The following LGALS14 variants were observed in gnomAD, a reference collection of about 807,000 sequenced individuals.
The protein encoded by LGALS14 is galectin 14, also known as placental protein 13-like.
Under a neutral mutation model 14.6 loss-of-function variants are expected in LGALS14, and 14 were observed. The observed-to-expected ratio is 0.96, with a 90% CI of 0.64 to 1.50. LGALS14 has a LOEUF of 1.50. Among genes scored for constraint, LGALS14 ranks in the 40% most tolerant of loss-of-function variants. The probability of loss-of-function intolerance (pLI) is 0.00; values close to 1 mark genes in which losing one functional copy is unlikely to be tolerated. For missense variants in LGALS14, 180 were observed against 172.0 expected (o/e 1.05, Z -0.26); for synonymous variants, 57 against 63.9 (o/e 0.89, Z 0.51).
At chr19:39,708,961 G>A (rs1237902819) in intron 3 of LGALS14, among the ~76,000 whole-genome samples, 1 of 152,204 alleles carries the variant, frequency 6.6e-6, no homozygotes, top group African/African-American at 2.4e-5. Context: ...CGGACTGTGT[G>A]ACACGGTGTA....
At chr19:39,705,899 C>A in intron 1 of LGALS14, 1 of 1,612,526 alleles carries the variant, frequency 6.2e-7, no homozygotes, top group Non-Finnish European at 8.5e-7. Flanking sequence ...TCAATCATTC[C>A]CTCCAGTTAT....
Position 39,706,627 on chromosome 19 carries a change from G to A in LGALS14, c.46G>A (p.Val16Ile), listed in dbSNP as rs61737337. 6,342 of 1,613,986 alleles carry A rather than the reference G, an allele frequency of 3.9e-3. 146 individuals are homozygous for A. In the African/African-American group the frequency reaches 0.055, roughly 14 times the overall value. Residue 16 changes from valine (V) to isoleucine (I), a missense_variant, in exon 2 of 4, where the codon GTT becomes ATT. Coordinates refer to ENST00000392052, the MANE Select transcript of LGALS14 (RefSeq NM_020129.3). ...ATACACACTGCCTGTTTCCTTGCCT[G>A]TTGGTTCGTGCGTGATAATCACAGG... ...VPYTLPVSLP[V>I]GSCVIITGTP... is the part of the protein sequence containing the mutation.
chr19:39,704,640 C>T, intron 1 of LGALS14, 97 bp downstream of exon 1: 1 of 1,117,308 alleles, frequency 9.0e-7, no homozygotes, highest in Non-Finnish European at 1.3e-6. Flanking sequence ...AGCATTCCTA[C>T]TGTGAATGCA....
In LGALS14 at chr19:39,709,427, A is replaced by G. The variant is rs1347344059; in HGVS notation, c.*114A>G. 2 of 662,328 alleles carry G rather than the reference A, an allele frequency of 3.0e-6. No homozygotes were observed. The highest frequency in any genetic ancestry group is 5.4e-6 in the Non-Finnish European group (2 of 371,844). 41.0% of individuals were successfully genotyped at this position (662,328 alleles called of 1,614,324 possible). A position where few individuals can be genotyped will look rare whatever the true frequency, so the allele number is the denominator to read the frequency against. ...CTCACCCCTTCCCCTACACTTGATC[A>G]TTAAAACAGCACCAAACTTCACATG... On this transcript the variant is annotated 3_prime_UTR_variant, in exon 4 of 4. Coordinates refer to ENST00000392052, the MANE Select transcript of LGALS14 (RefSeq NM_020129.3).
At chr19:39,708,055 T>A (rs1444597779) in intron 3 of LGALS14, among the ~76,000 whole-genome samples, 1 of 152,180 alleles carries the variant, frequency 6.6e-6, no homozygotes, top group Non-Finnish European at 1.5e-5. Flanking sequence ...TGTGATTTGC[T>A]CACCTTGGCC....
At position 39,706,467 on chromosome 19, in the gene LGALS14, G is replaced by A. The variant is rs1322088393; in HGVS notation, c.16-130G>A. On this transcript the variant is annotated intron_variant, in intron 1 of 3. Transcript: ENST00000392052. Reference sequence around the variant, plus strand: ...TTCAGGAATATGGGGCCCTGACTGTGGTAGGGTGAAAGGGGAGAGGCCTCA... The same window carrying A: ...TTCAGGAATATGGGGCCCTGACTGTAGTAGGGTGAAAGGGGAGAGGCCTCA... The A allele has an allele frequency of 5.7e-6, 4 of 696,652 alleles. No individual in the cohort carries two copies. In the African/African-American group the frequency reaches 7.1e-5, roughly 12 times the overall value. The allele number at this position is 696,652 out of a possible 1,614,324, so 43.2% of individuals were successfully genotyped here.
chr19:39,705,380 G>A (rs568508982), intron 1 of LGALS14, among the ~76,000 whole-genome samples: 5 of 152,264 alleles, frequency 3.3e-5, no homozygotes, highest in African/African-American at 9.6e-5. Flanking sequence ...TGGAACAGGC[G>A]AGTGTGAAGA....
intron 3 of LGALS14, among the ~76,000 whole-genome samples, chr19:39,708,165 G>A (rs917883693): frequency 2.6e-5 from 4 of 152,264 alleles, no homozygotes; most frequent in Admixed American, 1.3e-4. Context: ...GATTGCATTT[G>A]TTTTTAAGCA....
chr19:39,705,006 T>G (rs1219166201), intron 1 of LGALS14, among the ~76,000 whole-genome samples: 1 of 152,104 alleles, frequency 6.6e-6, no homozygotes, highest in Non-Finnish European at 1.5e-5. Flanking sequence ...GTGTGTGTGC[T>G]GGGATGTGAC....
At chr19:39,707,942 C>T (rs184197405) in intron 3 of LGALS14, among the ~76,000 whole-genome samples, 5 of 152,058 alleles carry the variant, frequency 3.3e-5, no homozygotes, top group Admixed American at 2.0e-4. Flanking sequence ...CCCAAGTAGC[C>T]GGAATTACAG....
chr19:39,708,312 G>A (rs1480961332), intron 3 of LGALS14, among the ~76,000 whole-genome samples: 2 of 152,134 alleles, frequency 1.3e-5, no homozygotes, highest in Non-Finnish European at 2.9e-5. Context: ...GCATTAAAAA[G>A]TTTACCCAAA....
At chr19:39,708,674 T>G (rs1002162946) in intron 3 of LGALS14, among the ~76,000 whole-genome samples, 1 of 152,148 alleles carries the variant, frequency 6.6e-6, no homozygotes, top group African/African-American at 2.4e-5. Flanking sequence ...GAAGATAATA[T>G]CCTATGTTTT....
At chr19:39,705,814 C>T in intron 1 of LGALS14, 2 of 1,493,342 alleles carry the variant, frequency 1.3e-6, no homozygotes, top group South Asian at 1.2e-5. Flanking sequence ...CACTGCATAT[C>T]AGCCTGGGTG....
chr19:39,708,087 G>A (rs8109921), intron 3 of LGALS14, among the ~76,000 whole-genome samples: 38,367 of 152,052 alleles, frequency 0.25, 5,613 homozygotes, highest in Non-Finnish European at 0.35. Context: ...TGGGATTACA[G>A]GCATAAGCCA....
At chr19:39,706,744 A>G (rs1160758496) in intron 2 of LGALS14, 71 bp downstream of exon 2, 5 of 1,288,466 alleles carry the variant, frequency 3.9e-6, no homozygotes, top group Middle Eastern at 1.8e-4. Flanking sequence ...GTTTAACCTT[A>G]TGTGTGAGTG....
At chr19:39,707,153 A>T in intron 2 of LGALS14, 25 bp from the exon 3 acceptor site, 1 of 1,578,720 alleles carries the variant, frequency 6.3e-7, no homozygotes, top group Non-Finnish European at 8.7e-7. Context: ...GGACCTGCCC[A>T]ACATGCTGTG....
At chr19:39,704,659 A>G (rs1224339727) in intron 1 of LGALS14, 116 bp downstream of exon 1, 1 of 956,028 alleles carries the variant, frequency 1.0e-6, no homozygotes, top group Non-Finnish European at 1.6e-6. Context: ...CATTACCGAG[A>G]GTTGTGGGTG....
intron 3 of LGALS14, among the ~76,000 whole-genome samples, chr19:39,708,228 G>A (rs1005572677): frequency 2.0e-5 from 3 of 152,156 alleles, no homozygotes; most frequent in African/African-American, 7.2e-5. Context: ...AAGTTGATTT[G>A]TTGTCAAAGA....
At position 39,708,904 on chromosome 19, in the gene LGALS14, G is replaced by A. The variant is rs553842594; in HGVS notation, c.304-293G>A. Among the ~76,000 whole-genome samples the A allele has an allele frequency of 3.3e-5, 5 of 152,306 alleles. No homozygotes were observed. The East Asian group carries it at 5.8e-4, about 18-fold the overall frequency. On this transcript the variant is annotated intron_variant, in intron 3 of 3. Transcript: ENST00000392052. Reference sequence around the variant, plus strand: ...CAGGGTCTCAAGTTCCTGAGACACCGTCCCTGGTGATGGGGATCTTCCAGG... The same window carrying A: ...CAGGGTCTCAAGTTCCTGAGACACCATCCCTGGTGATGGGGATCTTCCAGG...
Sources: allele counts gnomAD v4.1 joint callset (sites outside exome capture counted in the v4.1 genomes callset), GRCh38; gene constraint gnomAD v4.1.1; transcripts MANE v1.5; gene names NCBI Gene and HGNC (gene_info 2026-07-23, HGNC 2026-07-21).